The following SYT9 variants were observed in gnomAD, a reference collection of about 807,000 sequenced individuals.
SYT9 encodes the protein synaptotagmin-9.
A neutral mutation model predicts 48.4 loss-of-function variants in SYT9; 22 were observed. The observed-to-expected ratio is 0.45, with a 90% confidence interval of 0.32 to 0.65. The LOEUF (loss-of-function observed/expected upper bound fraction) is 0.65. Ranked by LOEUF, SYT9 falls within the 30% of genes least tolerant of loss-of-function variation. SYT9 has a pLI of 0.03. For missense variants in SYT9, 577 were observed against 622.0 expected, an observed-to-expected ratio of 0.93 and a Z score of 0.77; for synonymous variants, 265 against 245.0, an observed-to-expected ratio of 1.08 and a Z score of -0.76.
At chr11:7,416,286 C>T in intron 4 of SYT9, 124 bp downstream of exon 4, 1 of 1,150,776 alleles carries the variant, frequency 8.7e-7, no homozygotes, top group Middle Eastern at 2.1e-4. Flanking sequence ...TAGCCCTAGT[C>T]CTAACACCTG....
chr11:7,278,820 C>T (rs1157337552), intron 1 of SYT9, among the ~76,000 whole-genome samples: 1 of 152,158 alleles, frequency 6.6e-6, no homozygotes, highest in Non-Finnish European at 1.5e-5. Context: ...GAAACTAATA[C>T]TGATGAGCAC....
chr11:7,432,547 CAAAAAAAAAAAAAA>C lies in SYT9; in HGVS notation c.1467+11935_1467+11948del, dbSNP rs67650978. Among the ~76,000 whole-genome samples, 46 of 16,892 alleles carry C rather than the reference CAAAAAAAAAAAAAA, an allele frequency of 2.7e-3. 1 individual carries two copies. Among genetic ancestry groups the C allele is most frequent in the South Asian group, 3.3e-3 (1 of 306 alleles). 11.1% of individuals were successfully genotyped at this position (16,892 alleles called of 152,430 possible). On this transcript the variant is annotated intron_variant, in intron 6 of 6. Transcript: ENST00000318881. ...GGGCAACAAGAGTGAGACTCCATCT[CAAAAAAAAAAAAAA>C]AAAAAAAAAAAAAAAAAAAAAATAT...
Position 7,378,594 on chromosome 11 carries a change from T to G in SYT9, c.1045-37448T>G, listed in dbSNP as rs145308718. On this transcript the variant is annotated intron_variant, in intron 3 of 6. Transcript: ENST00000318881. ...ATGGAAGAGGGATGAGGGAGGTGCA[T>G]AGTGCTCCTCTCCAGGGAAACATTT... 6.1e-3 allele frequency among the ~76,000 whole-genome samples: 921 copies of G among 151,330 alleles called. 5 individuals are homozygous for G. The highest frequency in any genetic ancestry group is 0.01 in the Non-Finnish European group (708 of 67,784).
At chr11:7,449,008 A>G (rs1847989929) in intron 6 of SYT9, among the ~76,000 whole-genome samples, 1 of 152,132 alleles carries the variant, frequency 6.6e-6, no homozygotes, top group Non-Finnish European at 1.5e-5. Flanking sequence ...GGAGAAGCCA[A>G]GACTCAGAGG....
chr11:7,324,028 A>G (rs57279534), intron 3 of SYT9, among the ~76,000 whole-genome samples: 2,823 of 151,972 alleles, frequency 0.019, 84 homozygotes, highest in African/African-American at 0.065. Context: ...TTTTCTGTCA[A>G]TGTTTAGTAG....
chr11:7,288,278 A>C (rs7120457), intron 1 of SYT9, among the ~76,000 whole-genome samples: 88,178 of 150,094 alleles, frequency 0.59, 26,027 homozygotes, highest in African/African-American at 0.66. Context: ...CTATGGCATT[A>C]TATGTATTTG....
chr11:7,421,101 C>T (rs536237893), intron 6 of SYT9, among the ~76,000 whole-genome samples: 1 of 152,154 alleles, frequency 6.6e-6, no homozygotes, highest in African/African-American at 2.4e-5. Flanking sequence ...ACCAAAACAA[C>T]CAATTATAAA....
intron 1 of SYT9, among the ~76,000 whole-genome samples, chr11:7,283,770 A>T (rs1171529739): frequency 6.6e-6 from 1 of 152,114 alleles, no homozygotes; most frequent in Admixed American, 6.5e-5. Context: ...TGTAGTAATC[A>T]TGGGTTTTCA....
intron 1 of SYT9, among the ~76,000 whole-genome samples, chr11:7,297,580 G>A (rs1442660347): frequency 6.6e-6 from 1 of 152,194 alleles, no homozygotes; most frequent in East Asian, 1.9e-4. Context: ...GGCCGGACTG[G>A]CCCCTCTCTA....
At chr11:7,374,148 A>C (rs1850412720) in intron 3 of SYT9, among the ~76,000 whole-genome samples, 1 of 151,928 alleles carries the variant, frequency 6.6e-6, no homozygotes, top group Admixed American at 6.6e-5. Context: ...TTCAACTCCC[A>C]CTTATGAGTG....
chr11:7,279,684 C>T (rs1848458596), intron 1 of SYT9, among the ~76,000 whole-genome samples: 1 of 152,192 alleles, frequency 6.6e-6, no homozygotes, highest in Admixed American at 6.5e-5. Flanking sequence ...TTACCAAGCA[C>T]ATATAAATTT....
chr11:7,322,983 A>T (rs1481922139), intron 3 of SYT9, among the ~76,000 whole-genome samples: 2 of 152,174 alleles, frequency 1.3e-5, no homozygotes, highest in Non-Finnish European at 2.9e-5. Context: ...TATTATGTGT[A>T]TTAAAATAAT....
intron 1 of SYT9, among the ~76,000 whole-genome samples, chr11:7,292,690 T>C (rs1422700520): frequency 6.6e-6 from 1 of 152,240 alleles, no homozygotes; most frequent in African/African-American, 2.4e-5. Flanking sequence ...TCTAAAACTC[T>C]GCACATCAGA....
chr11:7,438,333 A>G (rs950213598), intron 6 of SYT9: 1 of 152,236 alleles, frequency 6.6e-6, no homozygotes, highest in Non-Finnish European at 1.5e-5. Context: ...CACAGAGCAC[A>G]CAGGATGCTC....
intron 3 of SYT9, among the ~76,000 whole-genome samples, chr11:7,384,503 C>G (rs1850621463): frequency 6.6e-6 from 1 of 152,108 alleles, no homozygotes; most frequent in South Asian, 2.1e-4. Context: ...TCACTTCTTC[C>G]ATTAGAAAAT....
intron 1 of SYT9, among the ~76,000 whole-genome samples, chr11:7,268,292 A>G (rs1016137088): frequency 1.3e-5 from 2 of 151,988 alleles, no homozygotes; most frequent in Non-Finnish European, 2.9e-5. Flanking sequence ...CACGTTAAAT[A>G]TTTTGATATA....
chr11:7,304,439 A>G (rs986430081), intron 2 of SYT9, among the ~76,000 whole-genome samples: 32 of 152,248 alleles, frequency 2.1e-4, no homozygotes, highest in Non-Finnish European at 3.7e-4. Context: ...GAGAAATAGC[A>G]TGTGCTGTTA....
At chr11:7,352,562 C>T (rs534376562) in intron 3 of SYT9, among the ~76,000 whole-genome samples, 2 of 152,134 alleles carry the variant, frequency 1.3e-5, no homozygotes, top group Middle Eastern at 3.4e-3. Context: ...AGAAGTGAAG[C>T]GTTAAGGTAA....
intron 5 of SYT9, 101 bp from the exon 6 acceptor site, chr11:7,420,405 C>A: frequency 2.1e-6 from 3 of 1,456,882 alleles, no homozygotes; most frequent in Non-Finnish European, 2.8e-6. Context: ...AACAAACAAA[C>A]AAAAAACCAC....
Sources: allele counts gnomAD v4.1 joint callset (sites outside exome capture counted in the v4.1 genomes callset), GRCh38; gene constraint gnomAD v4.1.1; transcripts MANE v1.5; gene names NCBI Gene and HGNC (gene_info 2026-07-23, HGNC 2026-07-21).